KHDRBS2: variants seen among roughly 807,000 people sequenced by gnomAD.
KHDRBS2 encodes KH domain-containing, RNA-binding, signal transduction-associated protein 2.
In KHDRBS2, 26 loss-of-function variants were observed where a neutral mutation model predicts 44.3. That is an observed-to-expected ratio of 0.59 (90% CI 0.43 to 0.81). The LOEUF (loss-of-function observed/expected upper bound fraction) is 0.81. Among genes scored for constraint, KHDRBS2 ranks in the 40% least tolerant of loss-of-function variants. KHDRBS2 has a pLI of 0.00. For synonymous variants in KHDRBS2, 194 were observed against 151.1 expected (o/e 1.28, Z -2.08); for missense variants, 476 against 433.1 (o/e 1.10, Z -0.88).
intron 3 of KHDRBS2, among the ~76,000 whole-genome samples, chr6:62,036,229 G>C (rs1785254206): frequency 1.3e-5 from 2 of 151,850 alleles, no homozygotes; most frequent in Admixed American, 1.3e-4. Context: ...ACAGAAGAGA[G>C]GACGGATAGC....
chr6:62,207,565 A>G (rs1419901000), intron 1 of KHDRBS2, among the ~76,000 whole-genome samples: 1 of 152,114 alleles, frequency 6.6e-6, no homozygotes, highest in Non-Finnish European at 1.5e-5. Context: ...AGTTCAAAAA[A>G]CTTGCAACTA....
chr6:61,728,395 T>C (rs1195555388), intron 7 of KHDRBS2, among the ~76,000 whole-genome samples: 1 of 152,048 alleles, frequency 6.6e-6, no homozygotes, highest in Non-Finnish European at 1.5e-5. Flanking sequence ...ATGGCACTTG[T>C]TTACCTATGT....
intron 3 of KHDRBS2, among the ~76,000 whole-genome samples, chr6:62,046,645 T>G (rs1329281462): frequency 6.6e-6 from 1 of 151,938 alleles, no homozygotes; most frequent in African/African-American, 2.4e-5. Context: ...TTTTCTCCTC[T>G]TATATAAAGA....
rs550259659 is a variant in KHDRBS2, at chr6:62,251,115, G to A, written c.91+34743C>T. Among the ~76,000 whole-genome samples, 13 of 151,702 alleles carry A rather than the reference G, an allele frequency of 8.6e-5. No homozygotes were observed. In the East Asian group the frequency reaches 2.3e-3, roughly 27 times the overall value. ...AGATAATACACACTGACCTACTTAC[G>A]GGCAAAGAATCATGATGTATATAAC... is the stretch of plus-strand genomic sequence containing the variant. On this transcript the variant is annotated intron_variant, in intron 1 of 8. Coordinates refer to ENST00000281156, the MANE Select transcript of KHDRBS2 (RefSeq NM_152688.4).
At chr6:62,099,185 A>G (rs1419015389) in intron 2 of KHDRBS2, among the ~76,000 whole-genome samples, 1 of 152,078 alleles carries the variant, frequency 6.6e-6, no homozygotes, top group East Asian at 1.9e-4. Context: ...GGTTCCCCAA[A>G]TGTTCTTAAT....
intron 1 of KHDRBS2, among the ~76,000 whole-genome samples, chr6:62,248,591 T>C: frequency 6.6e-6 from 1 of 152,054 alleles, no homozygotes; most frequent in East Asian, 1.9e-4. Flanking sequence ...ACTCCTGAAC[T>C]CAAGTAATCT....
the KHDRBS2 span, among the ~76,000 whole-genome samples, chr6:61,673,514 T>G: frequency 1.0e-4 from 15 of 148,488 alleles, 1 homozygote; most frequent in African/African-American, 1.7e-4. Flanking sequence ...TGATTGTATA[T>G]CTAGAAAACC....
chr6:61,548,448 G>A, the KHDRBS2 span, among the ~76,000 whole-genome samples: 1 of 152,084 alleles, frequency 6.6e-6, no homozygotes, highest in Non-Finnish European at 1.5e-5. Flanking sequence ...TGAGGCCTGA[G>A]AGTCTGCATT....
the KHDRBS2 span, among the ~76,000 whole-genome samples, chr6:61,599,090 C>T: frequency 1.8e-3 from 274 of 151,880 alleles, no homozygotes; most frequent in South Asian, 0.012. Context: ...CCTGCCACCA[C>T]GTCCAGCTAA....
chr6:62,043,916 G>A (rs996626824), intron 3 of KHDRBS2, among the ~76,000 whole-genome samples: 1 of 151,774 alleles, frequency 6.6e-6, no homozygotes, highest in Non-Finnish European at 1.5e-5. Flanking sequence ...CTACTAATCC[G>A]AATGACTGTT....
At chr6:62,071,957 T>G (rs973858932) in intron 2 of KHDRBS2, among the ~76,000 whole-genome samples, 7 of 152,188 alleles carry the variant, frequency 4.6e-5, no homozygotes, top group Non-Finnish European at 7.3e-5. Flanking sequence ...ATGATATTGA[T>G]TCTTCCTACC....
the KHDRBS2 span, among the ~76,000 whole-genome samples, chr6:61,578,645 G>A: frequency 0.59 from 89,483 of 151,302 alleles, 26,594 homozygotes; most frequent in Non-Finnish European, 0.61. Context: ...GCCCCATTGC[G>A]TTCGTGTCAT....
intron 6 of KHDRBS2, among the ~76,000 whole-genome samples, chr6:61,762,226 G>T (rs1045249252): frequency 6.6e-6 from 1 of 152,154 alleles, no homozygotes; most frequent in Non-Finnish European, 1.5e-5. Flanking sequence ...TTCCATAATT[G>T]ATTCTCAGAT....
At chr6:61,886,892 G>C (rs1457455982) in intron 6 of KHDRBS2, among the ~76,000 whole-genome samples, 1 of 152,072 alleles carries the variant, frequency 6.6e-6, no homozygotes, top group East Asian at 1.9e-4. Context: ...GTTTCTGGAG[G>C]TATTGAGTTC....
intron 6 of KHDRBS2, among the ~76,000 whole-genome samples, chr6:61,773,605 C>G (rs1278474671): frequency 6.7e-6 from 1 of 148,282 alleles, no homozygotes; most frequent in Non-Finnish European, 1.5e-5. Context: ...CCTGTTCACT[C>G]TGATGGTAGT....
intron 6 of KHDRBS2, among the ~76,000 whole-genome samples, chr6:61,776,050 C>G (rs1007479713): frequency 1.4e-4 from 21 of 152,168 alleles, no homozygotes; most frequent in Admixed American, 3.3e-4. Context: ...AAAGGATTCC[C>G]TATTTAATAA....
chr6:62,237,805 C>T (rs1833938471), intron 1 of KHDRBS2, among the ~76,000 whole-genome samples: 1 of 152,034 alleles, frequency 6.6e-6, no homozygotes, highest in Non-Finnish European at 1.5e-5. Context: ...CTTTGGGAGG[C>T]AGAGGTGGGC....
At chr6:62,043,513 T>C (rs934717527) in intron 3 of KHDRBS2, among the ~76,000 whole-genome samples, 2 of 152,106 alleles carry the variant, frequency 1.3e-5, no homozygotes, top group African/African-American at 4.8e-5. Context: ...CAAGCATTCC[T>C]GGCTGGTCTT....
At chr6:61,888,586 G>A (rs1202424648) in intron 6 of KHDRBS2, among the ~76,000 whole-genome samples, 13 of 136,660 alleles carry the variant, frequency 9.5e-5, no homozygotes, top group South Asian at 4.6e-4. Flanking sequence ...TTTTTGAGAC[G>A]AGTCTCTCTC....
Sources: gnomAD v4.1 joint callset for allele counts (sites outside exome capture counted in the v4.1 genomes callset) on GRCh38, gnomAD v4.1.1 for gene constraint, MANE v1.5 for transcripts, NCBI Gene and HGNC (gene_info 2026-07-23, HGNC 2026-07-21) for gene names.